Variants in ARHGAP21 observed in about 807,000 individuals in gnomAD.
The protein encoded by ARHGAP21 is rho GTPase-activating protein 21.
Under a neutral mutation model 164.6 loss-of-function variants are expected in ARHGAP21, and 38 were observed. The observed-to-expected ratio is 0.23, with a 90% CI of 0.18 to 0.30. The LOEUF is 0.30. ARHGAP21 is among the 10% of genes least tolerant of loss of function. ARHGAP21 has a pLI of 1.00. For missense variants in ARHGAP21, 1,822 were observed against 2,370.7 expected, an observed-to-expected ratio of 0.77 and a Z score of 4.81; for synonymous variants, 766 against 857.9, an observed-to-expected ratio of 0.89 and a Z score of 1.87.
chr10:24,597,393 A>G (rs2076630334), intron 16 of ARHGAP21, 54 bp downstream of exon 16: 5 of 1,582,544 alleles, frequency 3.2e-6, no homozygotes, highest in East Asian at 2.2e-5. Context: ...ACGTACCTCA[A>G]CGATGCCAAT....
In ARHGAP21 at chr10:24,620,366, T is replaced by C. The variant is rs534582048; in HGVS notation, c.1529A>G (p.Asn510Ser). Reference protein sequence around the residue: ...EGQDETLENVNSGTPIPDSNG... With the variant: ...EGQDETLENVSSGTPIPDSNG... ...GGAATCAGGTATTGGAGTTCCAGAA[T>C]TGACATTTTCTAAGGTTTCATCCTG... is the stretch of plus-strand genomic sequence containing the variant. The change falls in exon 9 of 26, where the codon AAT becomes AGT. Residue 510 changes from asparagine (N) to serine (S), a missense_variant. This residue lies in a region of ARHGAP21 where 1,090 missense variants were observed against 1,378.9 expected (regional missense o/e 0.79). Coordinates refer to ENST00000396432, the MANE Select transcript of ARHGAP21 (RefSeq NM_020824.4). 1.7e-4 allele frequency: 273 copies of C among 1,613,748 alleles called. No individual in the cohort carries two copies. Among genetic ancestry groups the C allele is most frequent in the Admixed American group, 4.7e-4 (28 of 59,948 alleles).
chr10:24,670,429 C>T lies in ARHGAP21; in HGVS notation c.64-32G>A, dbSNP rs372313558. ...TGAAAAGATATTTAAAAGTTAACTA[C>T]ATAACACAATATACTTCCTCATCTA... On this transcript the variant is annotated intron_variant, in intron 2 of 25. Transcript: ENST00000396432. 7 of 1,479,320 alleles carry T rather than the reference C, an allele frequency of 4.7e-6. No individual in the cohort carries two copies. The African/African-American group carries it at 5.6e-5, about 12-fold the overall frequency. 91.6% of individuals were successfully genotyped at this position (1,479,320 alleles called of 1,614,324 possible).
At chr10:24,705,734 C>G (rs1169565182) in intron 2 of ARHGAP21, among the ~76,000 whole-genome samples, 1 of 152,162 alleles carries the variant, frequency 6.6e-6, no homozygotes, top group Non-Finnish European at 1.5e-5. Context: ...GACAAATACC[C>G]ACAAAGTGAT....
intron 9 of ARHGAP21, among the ~76,000 whole-genome samples, chr10:24,616,165 TTTTGGGAAAAGCCAATATATGAAAAAG>T (rs1417437704): frequency 6.6e-6 from 1 of 152,236 alleles, no homozygotes; most frequent in Non-Finnish European, 1.5e-5. Flanking sequence ...GGCATCACAT[TTTTGGGAAAAGCCAATATATGAAAAAG>T]ACATATAAAG....
intron 21 of ARHGAP21, among the ~76,000 whole-genome samples, chr10:24,592,564 T>G (rs1463926606): frequency 6.6e-6 from 1 of 151,936 alleles, no homozygotes; most frequent in African/African-American, 2.4e-5. Flanking sequence ...TCCCAGCACT[T>G]TGGGGGACCG....
At chr10:24,643,711 T>C (rs150093654) in intron 4 of ARHGAP21, among the ~76,000 whole-genome samples, 1 of 152,310 alleles carries the variant, frequency 6.6e-6, no homozygotes, top group African/African-American at 2.4e-5. Context: ...ACACCTGCTC[T>C]GTTCTTGTTC....
At chr10:24,622,818 C>T in intron 7 of ARHGAP21, 56 bp from the exon 8 acceptor site, 1 of 1,543,900 alleles carries the variant, frequency 6.5e-7, no homozygotes, top group South Asian at 1.2e-5. Flanking sequence ...AAGACAAAAT[C>T]ATGTTGTCAT....
At chr10:24,633,883 CTTTTTTTTT>C (rs3073324) in intron 5 of ARHGAP21, among the ~76,000 whole-genome samples, 9 of 75,496 alleles carry the variant, frequency 1.2e-4, no homozygotes, top group East Asian at 4.5e-4. Flanking sequence ...CTTTTTTTCT[CTTTTTTTTT>C]TTTTTTTTTT....
intron 7 of ARHGAP21, 165 bp downstream of exon 7, chr10:24,629,831 G>T (rs1053637736): frequency 1.5e-6 from 1 of 684,168 alleles, no homozygotes; most frequent in Non-Finnish European, 2.7e-6. Context: ...CTTGGCAATG[G>T]TATTTTTGTA....
Position 24,584,327 on chromosome 10 carries a change from A to G in ARHGAP21, c.*85T>C. On this transcript the variant is annotated 3_prime_UTR_variant, in exon 26 of 26. Transcript: ENST00000396432. ...GCCCAAATGAAGGCTGCATAATAAC[A>G]ATTCTGATACAAGAAAATATTGACA... The G allele has an allele frequency of 6.8e-7, 1 of 1,463,232 alleles. No individual in the cohort carries two copies. The highest frequency in any genetic ancestry group is 1.4e-5 in the South Asian group (1 of 72,552). 90.6% of individuals were successfully genotyped at this position (1,463,232 alleles called of 1,614,324 possible).
chr10:24,701,466 T>C (rs1462533175), intron 2 of ARHGAP21, among the ~76,000 whole-genome samples: 1 of 152,164 alleles, frequency 6.6e-6, no homozygotes. Context: ...TTTCCCTTTG[T>C]AATATCTTAA....
chr10:24,614,902 T>A (rs773761476), intron 9 of ARHGAP21, among the ~76,000 whole-genome samples: 4 of 151,878 alleles, frequency 2.6e-5, no homozygotes, highest in Admixed American at 2.0e-4. Context: ...TAAAAGTTAA[T>A]GTGGCCAGGT....
intron 4 of ARHGAP21, among the ~76,000 whole-genome samples, chr10:24,645,123 C>T (rs1366548093): frequency 6.6e-6 from 1 of 152,192 alleles, no homozygotes; most frequent in East Asian, 1.9e-4. Context: ...CACACTCCAT[C>T]CTAAAATCTT....
chr10:24,597,907 T>A, intron 15 of ARHGAP21, 38 bp downstream of exon 15: 1 of 1,586,102 alleles, frequency 6.3e-7, no homozygotes, highest in Non-Finnish European at 8.6e-7. Context: ...GTACTGATTT[T>A]ATATCCAAAT....
At chr10:24,601,147 T>C (rs1170968145) in intron 13 of ARHGAP21, among the ~76,000 whole-genome samples, 1 of 152,134 alleles carries the variant, frequency 6.6e-6, no homozygotes, top group Non-Finnish European at 1.5e-5. Flanking sequence ...TCAAGGACTG[T>C]GAAATCCCAA....
chr10:24,621,216 A>C lies in ARHGAP21; in HGVS notation c.679T>G (p.Leu227Val). ...PVEISPPDSS[L>V]SKQQTSTPVL... The stretch of plus-strand genomic sequence containing the variant: ...GGTGTACTGGTTTGCTGTTTGCTCA[A>C]TGATGAGTCAGGAGGAGATATTTCA... The change falls in exon 9 of 26, where the codon TTG becomes GTG. Residue 227 changes from leucine to valine, a missense_variant. Coordinates refer to ENST00000396432, the MANE Select transcript of ARHGAP21 (RefSeq NM_020824.4). The C allele has an allele frequency of 5.0e-6, 8 of 1,613,952 alleles. No homozygotes were observed. Among genetic ancestry groups the C allele is most frequent in the Non-Finnish European group, 5.9e-6 (7 of 1,179,850 alleles).
chr10:24,652,323 C>G (rs1290957560), intron 4 of ARHGAP21, among the ~76,000 whole-genome samples: 1 of 152,154 alleles, frequency 6.6e-6, no homozygotes, highest in African/African-American at 2.4e-5. Flanking sequence ...GACCTCATAT[C>G]ATATGCAAAA....
chr10:24,628,357 CCCAT>C (rs1190947267), intron 7 of ARHGAP21, among the ~76,000 whole-genome samples: 1 of 152,108 alleles, frequency 6.6e-6, no homozygotes, highest in African/African-American at 2.4e-5. Context: ...GGGGTTAATC[CCCAT>C]GAGTTTCACT....
chr10:24,654,842 A>G (rs1838626979), intron 4 of ARHGAP21, among the ~76,000 whole-genome samples: 2 of 151,804 alleles, frequency 1.3e-5, no homozygotes, highest in African/African-American at 4.8e-5. Context: ...ACAAGGCTGG[A>G]GGCATCACAC....
Sources: gnomAD v4.1 joint callset for allele counts (sites outside exome capture counted in the v4.1 genomes callset) on GRCh38, gnomAD v4.1.1 for gene constraint, gnomAD v4.1.1 regional missense constraint, MANE v1.5 for transcripts, NCBI Gene and HGNC (gene_info 2026-07-23, HGNC 2026-07-21) for gene names.